METTL15: variants seen among roughly 807,000 people sequenced by gnomAD.
METTL15 encodes the protein methyltransferase 15, mitochondrial 12S rRNA N4-cytidine, also known as 12S rRNA N(4)-cytidine methyltransferase METTL15.
Under a neutral mutation model 38.3 loss-of-function variants are expected in METTL15, and 34 were observed. The observed-to-expected ratio is 0.89, with a 90% CI of 0.68 to 1.18. METTL15 has a LOEUF of 1.18. Ranked by LOEUF, METTL15 falls within the 50% of genes most tolerant of loss-of-function variation. METTL15 has a pLI of 0.00. For synonymous variants in METTL15, 162 were observed against 170.9 expected (o/e 0.95, Z 0.41); for missense variants, 438 against 498.4 (o/e 0.88, Z 1.15).
chr11:28,155,356 G>A (rs918698123), intron 3 of METTL15, among the ~76,000 whole-genome samples: 26 of 152,154 alleles, frequency 1.7e-4, no homozygotes, highest in African/African-American at 5.8e-4. Flanking sequence ...GTGGAGGAGA[G>A]AACGAGATTA....
chr11:28,237,811 C>T (rs1039014391), intron 4 of METTL15, among the ~76,000 whole-genome samples: 17 of 152,164 alleles, frequency 1.1e-4, no homozygotes, highest in Admixed American at 2.0e-4. Flanking sequence ...TTGTTAGTTT[C>T]CCTTCTAACA....
chr11:28,528,478 A>G (rs1851826282), downstream of METTL15, among the ~76,000 whole-genome samples: 3 of 152,194 alleles, frequency 2.0e-5, no homozygotes, highest in South Asian at 4.1e-4. Context: ...AGACTAAGTC[A>G]GCGTGATTGG....
At chr11:28,421,795 C>A (rs1406200626) in intron 5 of METTL15, among the ~76,000 whole-genome samples, 1 of 151,942 alleles carries the variant, frequency 6.6e-6, no homozygotes, top group Non-Finnish European at 1.5e-5. Context: ...AAGGATGCCA[C>A]CTTCACTACT....
At chr11:28,507,646 T>C (rs1026134082) in intron 6 of METTL15, among the ~76,000 whole-genome samples, 3 of 152,176 alleles carry the variant, frequency 2.0e-5, no homozygotes, top group Non-Finnish European at 2.9e-5. Flanking sequence ...TCTCCCCTAC[T>C]CTTTCTCATC....
intron 4 of METTL15, among the ~76,000 whole-genome samples, chr11:28,251,751 C>G (rs1011195748): frequency 2.0e-4 from 30 of 152,002 alleles, no homozygotes; most frequent in African/African-American, 7.0e-4. Context: ...ATTTCACACT[C>G]TGGTCATCAT....
At chr11:28,108,896 C>T (rs2133578230) in intron 1 of METTL15, among the ~76,000 whole-genome samples, 1 of 152,208 alleles carries the variant, frequency 6.6e-6, no homozygotes, top group East Asian at 1.9e-4. Flanking sequence ...GAGAAAATAC[C>T]TGGAACAAAT....
chr11:28,179,240 T>C (rs1281235465), intron 3 of METTL15, among the ~76,000 whole-genome samples: 1 of 151,778 alleles, frequency 6.6e-6, no homozygotes, highest in African/African-American at 2.4e-5. Context: ...TTCCCCCTAT[T>C]TGTATGGCTT....
intron 4 of METTL15, among the ~76,000 whole-genome samples, chr11:28,251,709 C>G (rs375017720): frequency 1.3e-5 from 2 of 152,010 alleles, no homozygotes; most frequent in Non-Finnish European, 2.9e-5. Context: ...CCTTAGCCAT[C>G]TACTCACATG....
chr11:28,348,863 A>G (rs960943707), intron 3 of METTL15, among the ~76,000 whole-genome samples: 1 of 152,102 alleles, frequency 6.6e-6, no homozygotes, highest in Non-Finnish European at 1.5e-5. Context: ...TTCTTTTAAT[A>G]TGTCTGCATT....
chr11:28,188,372 A>G (rs1851582501), intron 3 of METTL15, among the ~76,000 whole-genome samples: 1 of 151,264 alleles, frequency 6.6e-6, no homozygotes, highest in Non-Finnish European at 1.5e-5. Flanking sequence ...AATAGCTTTG[A>G]CTTTTTATTT....
intron 6 of METTL15, among the ~76,000 whole-genome samples, chr11:28,461,080 A>C (rs1851210018): frequency 6.6e-6 from 1 of 151,956 alleles, no homozygotes; most frequent in African/African-American, 2.4e-5. Context: ...TTTTTTTCCC[A>C]AGAAGGGGGA....
intron 3 of METTL15, among the ~76,000 whole-genome samples, chr11:28,133,753 T>C (rs1229116103): frequency 6.6e-6 from 1 of 152,130 alleles, no homozygotes; most frequent in Non-Finnish European, 1.5e-5. Flanking sequence ...GTCTTGGGAA[T>C]ATATCCTCTA....
intron 4 of METTL15, among the ~76,000 whole-genome samples, chr11:28,226,896 A>G (rs1590188584): frequency 1.3e-5 from 2 of 151,962 alleles, no homozygotes; most frequent in African/African-American, 4.8e-5. Flanking sequence ...AAGTGAAAGA[A>G]TTGTCACAAA....
intron 6 of METTL15, among the ~76,000 whole-genome samples, chr11:28,453,446 G>C (rs1851140298): frequency 1.3e-5 from 2 of 152,140 alleles, no homozygotes; most frequent in African/African-American, 4.8e-5. Flanking sequence ...CTTCTCTTCT[G>C]CTCTGCCAGA....
At chr11:28,130,194 C>T (rs1459817579) in intron 3 of METTL15, among the ~76,000 whole-genome samples, 2 of 151,916 alleles carry the variant, frequency 1.3e-5, no homozygotes, top group African/African-American at 4.8e-5. Flanking sequence ...ACTTGCAGTC[C>T]CAGTTATTCG....
At chr11:28,382,611 A>G (rs1179488425) in intron 5 of METTL15, among the ~76,000 whole-genome samples, 1 of 152,080 alleles carries the variant, frequency 6.6e-6, no homozygotes, top group Non-Finnish European at 1.5e-5. Context: ...AGCCAGGCAG[A>G]TCACCTGAGG....
At chr11:28,189,486 G>C (rs1851622360) in intron 3 of METTL15, among the ~76,000 whole-genome samples, 1 of 150,544 alleles carries the variant, frequency 6.6e-6, no homozygotes, top group Non-Finnish European at 1.5e-5. Context: ...GAATAATGTA[G>C]TTTTTTTTTA....
intron 6 of METTL15, among the ~76,000 whole-genome samples, chr11:28,318,491 A>G (rs1849348458): frequency 6.6e-6 from 1 of 152,364 alleles, no homozygotes; most frequent in East Asian, 1.9e-4. Flanking sequence ...GCAGAAGCAC[A>G]GAAATGAGAA....
Position 28,492,633 on chromosome 11 carries a change from C to A in METTL15, c.*425-33845C>A, listed in dbSNP as rs546195114. Among the ~76,000 whole-genome samples, 65 of 152,140 alleles carry A rather than the reference C, an allele frequency of 4.3e-4. No homozygotes were observed. The South Asian group carries it at 0.013, about 30-fold the overall frequency. The stretch of plus-strand genomic sequence containing the variant: ...CTGCATGTTGATACCTCCTGGAAAG[C>A]CTATGTCAGGTCTCTATTTGTAATT... On this transcript the variant is annotated intron_variant and NMD_transcript_variant, in intron 6 of 7. Coordinates refer to the METTL15 transcript ENST00000532947.
Sources: gnomAD v4.1 joint callset for allele counts (sites outside exome capture counted in the v4.1 genomes callset) on GRCh38, gnomAD v4.1.1 for gene constraint, MANE v1.5 for transcripts, NCBI Gene and HGNC (gene_info 2026-07-23, HGNC 2026-07-21) for gene names.